Variants in TRIO observed in about 807,000 individuals in gnomAD.
TRIO encodes the protein triple functional domain protein.
In TRIO, 58 loss-of-function variants were observed where a neutral mutation model predicts 351.9. That is an observed-to-expected ratio of 0.16 (90% CI 0.13 to 0.21). The LOEUF is 0.21. Ranked by LOEUF, TRIO falls within the 10% of genes least tolerant of loss-of-function variation. TRIO has a pLI of 1.00. For missense variants in TRIO, 3,201 were observed against 4,027.8 expected, an observed-to-expected ratio of 0.79 and a Z score of 5.56; for synonymous variants, 1,758 against 1,595.7, an observed-to-expected ratio of 1.10 and a Z score of -2.42.
chr5:14,492,408 C>T (rs934556707), intron 48 of TRIO, 159 bp from the exon 49 acceptor site: 1 of 897,932 alleles, frequency 1.1e-6, no homozygotes, highest in Non-Finnish European at 1.7e-6. Flanking sequence ...ACACAGTTAG[C>T]CAGAGGGTAA....
chr5:14,391,046 C>T (rs545010721), intron 27 of TRIO, 56 bp downstream of exon 27: 25 of 1,353,458 alleles, frequency 1.8e-5, no homozygotes, highest in African/African-American at 4.5e-5. Context: ...ACATAAAATG[C>T]GGCATTACTC....
At chr5:14,458,277 T>C (rs1325551189) in intron 34 of TRIO, among the ~76,000 whole-genome samples, 2 of 152,190 alleles carry the variant, frequency 1.3e-5, no homozygotes, top group Non-Finnish European at 2.9e-5. Context: ...TTCCATGTAA[T>C]ACTTGTGTGC....
intron 18 of TRIO, among the ~76,000 whole-genome samples, chr5:14,371,830 T>C (rs911513531): frequency 6.6e-6 from 1 of 152,038 alleles, no homozygotes; most frequent in Non-Finnish European, 1.5e-5. Context: ...TTTGTAGTAA[T>C]GGAGTCTCCT....
intron 39 of TRIO, 81 bp downstream of exon 39, chr5:14,472,739 C>T: frequency 7.1e-7 from 1 of 1,417,760 alleles, no homozygotes; most frequent in East Asian, 2.3e-5. Flanking sequence ...CAGTTGAACA[C>T]CTCTCAAAAG....
At chr5:14,326,512 C>T (rs531018635) in intron 9 of TRIO, among the ~76,000 whole-genome samples, 37 of 152,332 alleles carry the variant, frequency 2.4e-4, no homozygotes, top group African/African-American at 7.2e-4. Flanking sequence ...ACACCACACC[C>T]TCTGAACAGA....
chr5:14,295,195 A>T (rs1342320940), intron 6 of TRIO, among the ~76,000 whole-genome samples: 3 of 152,244 alleles, frequency 2.0e-5, no homozygotes, highest in Non-Finnish European at 4.4e-5. Context: ...CAAAATAAGG[A>T]TACTAAATAC....
chr5:14,427,778 C>T (rs32476), intron 34 of TRIO, among the ~76,000 whole-genome samples: 80,562 of 151,974 alleles, frequency 0.53, 23,403 homozygotes, highest in East Asian at 0.9. Context: ...CCAGGGAAGC[C>T]GAGCCTGGGT....
chr5:14,174,599 G>A (rs1789296149), intron 1 of TRIO, among the ~76,000 whole-genome samples: 1 of 152,188 alleles, frequency 6.6e-6, no homozygotes, highest in African/African-American at 2.4e-5. Context: ...ACACACACAA[G>A]GCTGCGGGCC....
Position 14,406,681 on chromosome 5 carries a change from C to T in TRIO, c.4959+9C>T, listed in dbSNP as rs1424480247. 2.5e-6 allele frequency: 4 copies of T among 1,613,300 alleles called. No individual in the cohort carries two copies. The highest frequency in any genetic ancestry group is 1.3e-5 in the African/African-American group (1 of 74,916). On this transcript the variant is annotated intron_variant, in intron 33 of 56. Coordinates refer to ENST00000344204, the MANE Select transcript of TRIO (RefSeq NM_007118.4). ...CGCTGGACAGCGATAAGGTGAGTCA[C>T]TGCCGGCACTTTGTGTGCGGAGGGG... is the stretch of plus-strand genomic sequence containing the variant.
At position 14,481,219 on chromosome 5, in the gene TRIO, C is replaced by A. The variant is rs1755487820; in HGVS notation, c.6337-15C>A. 2 of 1,613,272 alleles carry A rather than the reference C, an allele frequency of 1.2e-6. No homozygotes were observed. The highest frequency in any genetic ancestry group is 2.2e-5 in the South Asian group (2 of 90,882). ...CTTTGTCACCATTATCATGTCCTCT[C>A]CATTTCCCTTGCAGGACTTCCTCAA... On this transcript the variant is annotated splice_polypyrimidine_tract_variant and intron_variant, in intron 43 of 56. Coordinates refer to ENST00000344204, the MANE Select transcript of TRIO (RefSeq NM_007118.4).
intron 34 of TRIO, among the ~76,000 whole-genome samples, chr5:14,454,168 A>T (rs1208477058): frequency 6.6e-6 from 1 of 152,138 alleles, no homozygotes; most frequent in Non-Finnish European, 1.5e-5. Flanking sequence ...ACCTCAAGTG[A>T]TCCACCTGCA....
At chr5:14,157,950 G>A (rs1788215781) in intron 1 of TRIO, among the ~76,000 whole-genome samples, 1 of 152,088 alleles carries the variant, frequency 6.6e-6, no homozygotes, top group South Asian at 2.1e-4. Context: ...TGGGGAGACA[G>A]TCTCAGTTTC....
intron 18 of TRIO, among the ~76,000 whole-genome samples, chr5:14,371,996 T>C (rs1434170556): frequency 6.6e-6 from 1 of 152,096 alleles, no homozygotes; most frequent in Non-Finnish European, 1.5e-5. Flanking sequence ...GGTCCACATA[T>C]TGATTTGGTT....
rs185937409 is a variant in TRIO at position 14,381,317 on chromosome 5, A to G, written c.3570+65A>G. 17 of 1,527,046 alleles carry G rather than the reference A, an allele frequency of 1.1e-5. No individual in the cohort carries two copies. In the East Asian group the frequency reaches 2.3e-4, roughly 21 times the overall value. 94.6% of individuals were successfully genotyped at this position (1,527,046 alleles called of 1,614,324 possible). ...GAAAGCGAGTCTTCAAAAATATCAT[A>G]AAGAAATACCTCATGAGATTGGAGA... On this transcript the variant is annotated intron_variant, in intron 21 of 56. Transcript: ENST00000344204.
intron 4 of TRIO, among the ~76,000 whole-genome samples, chr5:14,288,492 C>G (rs1013407200): frequency 6.6e-6 from 1 of 152,052 alleles, no homozygotes; most frequent in Non-Finnish European, 1.5e-5. Context: ...CACGGTGAAA[C>G]CCCATCTCTA....
At chr5:14,220,107 T>C (rs903389412) in intron 1 of TRIO, among the ~76,000 whole-genome samples, 22 of 151,786 alleles carry the variant, frequency 1.4e-4, no homozygotes, top group African/African-American at 5.1e-4. Flanking sequence ...GTTGAGTAAG[T>C]GTATCCATGA....
At chr5:14,402,053 C>T (rs539625947) in intron 31 of TRIO, among the ~76,000 whole-genome samples, 65 of 152,290 alleles carry the variant, frequency 4.3e-4, no homozygotes, top group African/African-American at 1.4e-3. Flanking sequence ...GGTTGTTTTG[C>T]AGTGAATATG....
chr5:14,500,682 C>A (rs953951272), intron 53 of TRIO, among the ~76,000 whole-genome samples: 4 of 152,026 alleles, frequency 2.6e-5, no homozygotes, highest in African/African-American at 9.7e-5. Context: ...TGGCTTGAGC[C>A]CAGGAGTTAG....
At chr5:14,390,437 A>C in intron 26 of TRIO, 137 bp downstream of exon 26, 2 of 749,956 alleles carry the variant, frequency 2.7e-6, no homozygotes, top group Non-Finnish European at 4.4e-6. Flanking sequence ...ACTTTACCTC[A>C]AAGAATTGCA....
Sources: allele counts gnomAD v4.1 joint callset (sites outside exome capture counted in the v4.1 genomes callset), GRCh38; gene constraint gnomAD v4.1.1; transcripts MANE v1.5; gene names NCBI Gene and HGNC (gene_info 2026-07-23, HGNC 2026-07-21).